ZER1: variants seen among roughly 807,000 people sequenced by gnomAD.
ZER1 encodes protein zer-1 homolog.
Under a neutral mutation model 78.8 loss-of-function variants are expected in ZER1, and 11 were observed. That is an observed-to-expected ratio of 0.14 (90% CI 0.09 to 0.23). ZER1 has a LOEUF of 0.23. Ranked by LOEUF, ZER1 falls within the 10% of genes least tolerant of loss-of-function variation. The pLI, the probability that ZER1 is intolerant of heterozygous loss-of-function variation, is 1.00. For synonymous variants in ZER1, 400 were observed against 407.0 expected, an observed-to-expected ratio of 0.98 and a Z score of 0.21; for missense variants, 588 against 996.9, an observed-to-expected ratio of 0.59 and a Z score of 5.52.
At chr9:128,731,522 G>A (rs1862820962) in intron 15 of ZER1, 128 bp from the exon 16 acceptor site, 2 of 717,354 alleles carry the variant, frequency 2.8e-6, no homozygotes, top group Non-Finnish European at 4.6e-6. Flanking sequence ...CGAATGATGT[G>A]GACAGAGGGG....
chr9:128,763,653 G>T (rs1864117673), intron 1 of ZER1, among the ~76,000 whole-genome samples: 1 of 152,182 alleles, frequency 6.6e-6, no homozygotes, highest in Non-Finnish European at 1.5e-5. Context: ...CCAATCAGGG[G>T]ACTTGCCCTG....
intron 8 of ZER1, among the ~76,000 whole-genome samples, chr9:128,748,085 T>A (rs947755752): frequency 6.6e-6 from 1 of 152,004 alleles, no homozygotes; most frequent in Non-Finnish European, 1.5e-5. Flanking sequence ...CGTCACCACA[T>A]ACACACAGAC....
intron 15 of ZER1, 70 bp downstream of exon 15, chr9:128,733,356 G>C: frequency 1.4e-6 from 2 of 1,404,560 alleles, no homozygotes; most frequent in Non-Finnish European, 2.0e-6. Flanking sequence ...CTAACCTCCA[G>C]AGGGCGCCCG....
At chr9:128,746,655 G>A (rs1485778360) in intron 8 of ZER1, among the ~76,000 whole-genome samples, 1 of 150,688 alleles carries the variant, frequency 6.6e-6, no homozygotes, top group Non-Finnish European at 1.5e-5. Flanking sequence ...TTTTTTTTGA[G>A]ACAGAGTTTC....
chr9:128,737,983 G>A (rs1863144597), intron 13 of ZER1, among the ~76,000 whole-genome samples: 1 of 152,262 alleles, frequency 6.6e-6, no homozygotes, highest in East Asian at 1.9e-4. Flanking sequence ...GATTACAGGT[G>A]TGAGCCACTG....
chr9:128,758,492 C>T (rs1332140047), intron 1 of ZER1, among the ~76,000 whole-genome samples: 1 of 151,226 alleles, frequency 6.6e-6, no homozygotes, highest in Non-Finnish European at 1.5e-5. Flanking sequence ...GATCTTGGCT[C>T]ACTGCACCCT....
At chr9:128,735,214 C>T in intron 14 of ZER1, 120 bp downstream of exon 14, 1 of 917,300 alleles carries the variant, frequency 1.1e-6, no homozygotes, top group South Asian at 1.7e-5. Flanking sequence ...GAGGGTTCTG[C>T]TCTGAGGCAC....
chr9:128,760,472 G>A (rs1472128290), intron 1 of ZER1, among the ~76,000 whole-genome samples: 1 of 152,178 alleles, frequency 6.6e-6, no homozygotes, highest in Non-Finnish European at 1.5e-5. Context: ...AAAGTGCTGG[G>A]ATTACAGGCG....
intron 1 of ZER1, among the ~76,000 whole-genome samples, chr9:128,762,190 T>C (rs1361057699): frequency 1.3e-5 from 2 of 152,034 alleles, no homozygotes. Flanking sequence ...CCTTTTCCAG[T>C]GTGGCCCAGG....
chr9:128,748,403 A>C (rs1424177086), intron 8 of ZER1, among the ~76,000 whole-genome samples: 2 of 4,086 alleles, frequency 4.9e-4, no homozygotes, highest in Non-Finnish European at 0.032. Context: ...CTCTGTCTCA[A>C]AAAAAAAAAA....
intron 1 of ZER1, among the ~76,000 whole-genome samples, chr9:128,770,474 C>T (rs190751753): frequency 3.3e-5 from 5 of 152,208 alleles, no homozygotes; most frequent in Admixed American, 6.5e-5. Flanking sequence ...GCATTTGCTG[C>T]GGAATGCTCT....
rs745915069 is a variant in ZER1 at position 128,752,793 on chromosome 9, C to T, written c.803G>A (p.Arg268Gln). The T allele has an allele frequency of 8.7e-6, 14 of 1,614,016 alleles. No individual in the cohort carries two copies. The highest frequency in any genetic ancestry group is 2.2e-5 in the South Asian group (2 of 91,090). The change falls in exon 5 of 16, where the codon CGG becomes CAG. Residue 268 changes from arginine (R) to glutamine (Q), a missense_variant. Arg to Gln is a conservative substitution (Grantham distance 43). Coordinates refer to ENST00000291900, the MANE Select transcript of ZER1 (RefSeq NM_006336.4). ...LSSYYKFKLTREVLSLFVQKL... is the reference protein window; with the variant it reads ...LSSYYKFKLTQEVLSLFVQKL... ...CTGCACAAAGAGGCTCAGCACCTCC[C>T]GAGTCAGCTTGAACTTGTAGTAGCT... is the stretch of plus-strand genomic sequence containing the variant.
intron 1 of ZER1, among the ~76,000 whole-genome samples, chr9:128,763,671 G>A (rs774995681): frequency 6.6e-6 from 1 of 152,178 alleles, no homozygotes; most frequent in Non-Finnish European, 1.5e-5. Context: ...CTGGACTGGG[G>A]AGTCAGAGCA....
intron 1 of ZER1, among the ~76,000 whole-genome samples, chr9:128,758,932 C>G (rs1863950762): frequency 6.6e-6 from 1 of 152,006 alleles, no homozygotes; most frequent in South Asian, 2.1e-4. Flanking sequence ...TACTGGGTAT[C>G]CAGGCTCGCT....
Position 128,754,014 on chromosome 9 carries a change from C to T in ZER1, c.159-55G>A. ...AGGGCCACAGGGACTCTCATCCTCG[C>T]TTCAAAGCCAAGCCCTCCTCCCCCT... On this transcript the variant is annotated intron_variant, in intron 2 of 15. Coordinates refer to ENST00000291900, the MANE Select transcript of ZER1 (RefSeq NM_006336.4). The surrounding 1 kb of genome is among the most constrained non-coding windows in gnomAD (Gnocchi z 4.3). 6.5e-7 allele frequency: 1 copy of T among 1,540,402 alleles called. No homozygotes were observed. Among genetic ancestry groups the T allele is most frequent in the South Asian group, 1.2e-5 (1 of 82,922 alleles).
rs1179981982 is a variant in ZER1 at position 128,746,226 on chromosome 9, T to C, written c.1360-3481A>G. ...CAGAATGGCTAGGTCAAAAGATAGA[T>C]GCATTTAGAATTTTGGCAGGTTCTG... On this transcript the variant is annotated intron_variant, in intron 8 of 15. Transcript: ENST00000291900. The C allele has an allele frequency of 5.3e-5, 8 of 152,202 alleles. No homozygotes were observed. In the East Asian group the frequency reaches 1.5e-3, roughly 29 times the overall value. The allele number at this position is 152,202 out of a possible 1,614,324, so 9.4% of individuals were successfully genotyped here. A position where few individuals can be genotyped will look rare whatever the true frequency, so the allele number is the denominator to read the frequency against.
At chr9:128,765,873 T>C (rs369707043) in intron 1 of ZER1, among the ~76,000 whole-genome samples, 1 of 152,112 alleles carries the variant, frequency 6.6e-6, no homozygotes, top group East Asian at 1.9e-4. Context: ...TGAGTTGGGT[T>C]ATGTCAGAAA....
intron 14 of ZER1, 31 bp downstream of exon 14, chr9:128,735,303 G>A (rs751269467): frequency 1.7e-5 from 27 of 1,588,140 alleles, no homozygotes; most frequent in Non-Finnish European, 2.2e-5. Flanking sequence ...AGCTGGATGA[G>A]TGTCTGAACC....
At position 128,751,643 on chromosome 9, in the gene ZER1, C is replaced by A; in HGVS notation, c.924-116G>T. On this transcript the variant is annotated intron_variant, in intron 5 of 15. Transcript: ENST00000291900. The surrounding 1 kb of genome is among the most constrained non-coding windows in gnomAD (Gnocchi z 5.4). ...CTCTTCTAGGCCCTCCAACCTCATC[C>A]CCTACTCCTTTTGTTTTTAATGGTA... 1.3e-6 allele frequency: 1 copy of A among 779,662 alleles called. No homozygotes were observed. The allele number at this position is 779,662 out of a possible 1,614,324, so 48.3% of individuals were successfully genotyped here.
Sources: allele counts gnomAD v4.1 joint callset (sites outside exome capture counted in the v4.1 genomes callset), GRCh38; gene constraint gnomAD v4.1.1; non-coding constraint Gnocchi (gnomAD v3.1); transcripts MANE v1.5; gene names NCBI Gene and HGNC (gene_info 2026-07-23, HGNC 2026-07-21).